DMD: variants seen among roughly 807,000 people sequenced by gnomAD.
DMD encodes mutant dystrophin.
A neutral mutation model predicts 330.1 loss-of-function variants in DMD; 63 were observed. That is an observed-to-expected ratio of 0.19 (90% CI 0.16 to 0.24). The LOEUF is 0.24. Ranked by LOEUF, DMD falls within the 10% of genes least tolerant of loss-of-function variation. The pLI is 1.00. For synonymous variants in DMD, 1,223 were observed against 959.8 expected, an observed-to-expected ratio of 1.27 and a Z score of -5.07; for missense variants, 3,344 against 2,684.1, an observed-to-expected ratio of 1.25 and a Z score of -5.43.
intron 76 of DMD, among the ~76,000 whole-genome samples, chrX:31,138,657 G>GTGTGA (rs2035587118): frequency 1.1e-5 from 1 of 94,625 alleles, no homozygotes. Flanking sequence ...GAGAGAGAGA[G>GTGTGA]AGAGAGAGAG....
At chrX:32,342,724 A>T (rs756045500) in intron 40 of DMD, 4 of 273,487 alleles carry the variant, frequency 1.5e-5, no homozygotes, top group Non-Finnish European at 2.7e-5. Flanking sequence ...AACAGAAAAA[A>T]ACATATTTAG....
chrX:31,607,253 A>C (rs145028420), intron 55 of DMD, among the ~76,000 whole-genome samples: 3,633 of 111,894 alleles, frequency 0.032, 146 homozygotes, highest in African/African-American at 0.11. Context: ...TTCTCTCCAG[A>C]ATATGAAGTC....
chrX:31,742,341 C>G (rs1321133371), intron 51 of DMD, among the ~76,000 whole-genome samples: 4 of 112,772 alleles, frequency 3.5e-5, no homozygotes, highest in Non-Finnish European at 7.5e-5. Context: ...TTTTGACATG[C>G]CTTCCTCACC....
At chrX:32,935,169 G>A (rs986735298) in intron 2 of DMD, among the ~76,000 whole-genome samples, 3 of 112,726 alleles carry the variant, frequency 2.7e-5, no homozygotes, top group Admixed American at 9.4e-5. Flanking sequence ...TAGTAGAGAC[G>A]GGGTTTCACC....
intron 55 of DMD, among the ~76,000 whole-genome samples, chrX:31,545,499 C>G (rs1299248938): frequency 1.8e-5 from 2 of 112,432 alleles, no homozygotes; most frequent in Non-Finnish European, 3.8e-5. Flanking sequence ...ACACTTTTCT[C>G]ATCATAATTT....
intron 29 of DMD, among the ~76,000 whole-genome samples, chrX:32,424,509 T>A (rs895264275): frequency 2.7e-5 from 3 of 111,625 alleles, no homozygotes; most frequent in African/African-American, 9.7e-5. Flanking sequence ...GCATTTCAGG[T>A]GTACAAATAA....
chrX:31,274,144 T>A (rs778254192), intron 62 of DMD, among the ~76,000 whole-genome samples: 2 of 111,842 alleles, frequency 1.8e-5, no homozygotes, highest in Non-Finnish European at 3.8e-5. Flanking sequence ...TAAACTGCTC[T>A]TTAGCAGTTT....
chrX:31,269,379 T>G (rs2051435803), intron 62 of DMD, among the ~76,000 whole-genome samples: 1 of 111,231 alleles, frequency 9.0e-6, no homozygotes, highest in Admixed American at 9.6e-5. Flanking sequence ...TGTTTTGATA[T>G]GAACCACGGA....
intron 1 of DMD, among the ~76,000 whole-genome samples, chrX:33,270,195 A>G (rs1254396578): frequency 9.0e-6 from 1 of 111,153 alleles, no homozygotes; most frequent in South Asian, 3.7e-4. Flanking sequence ...AGGAAAAGAA[A>G]ATTATTGTAT....
intron 7 of DMD, among the ~76,000 whole-genome samples, chrX:32,702,771 C>A (rs1257513840): frequency 1.8e-5 from 2 of 111,121 alleles, no homozygotes; most frequent in South Asian, 3.8e-4. Flanking sequence ...GACAAAAATT[C>A]TAAGATGGAT....
intron 62 of DMD, among the ~76,000 whole-genome samples, chrX:31,266,174 A>AAAAAAAAAAAAAAAAAAAC (rs2051068357): frequency 9.7e-6 from 1 of 103,116 alleles, no homozygotes; most frequent in African/African-American, 3.7e-5. Flanking sequence ...AAAAAAAAAA[A>AAAAAAAAAAAAAAAAAAAC]AAAAAAAAAG....
At chrX:32,923,587 C>G (rs2088668318) in intron 2 of DMD, among the ~76,000 whole-genome samples, 2 of 110,325 alleles carry the variant, frequency 1.8e-5, no homozygotes, top group Non-Finnish European at 1.9e-5. Context: ...AACAAAAAAT[C>G]AACTTTATCT....
At chrX:32,361,279 C>T (rs1165406541) in intron 37 of DMD, among the ~76,000 whole-genome samples, 1 of 111,416 alleles carries the variant, frequency 9.0e-6, no homozygotes, top group Non-Finnish European at 1.9e-5. Context: ...AGTAACAATA[C>T]ATTCTTTCAA....
chrX:31,901,958 T>C (rs1255488461), intron 47 of DMD, among the ~76,000 whole-genome samples: 1 of 111,364 alleles, frequency 9.0e-6, no homozygotes, highest in African/African-American at 3.3e-5. Context: ...GGTGAGAATG[T>C]TTAAAATGTA....
chrX:32,133,101 T>C (rs2096707444), intron 44 of DMD, among the ~76,000 whole-genome samples: 1 of 104,519 alleles, frequency 9.6e-6, no homozygotes, highest in South Asian at 4.6e-4. Context: ...CTCTGTCTCC[T>C]AGGTACAAGC....
chrX:31,683,501 T>C (rs899495320), intron 52 of DMD, among the ~76,000 whole-genome samples: 5 of 112,412 alleles, frequency 4.4e-5, no homozygotes, highest in African/African-American at 1.6e-4. Context: ...GAAGGATCTA[T>C]AGCATAGCTG....
At chrX:31,185,526 T>A (rs2041677998) in intron 67 of DMD, among the ~76,000 whole-genome samples, 1 of 112,302 alleles carries the variant, frequency 8.9e-6, no homozygotes, top group African/African-American at 3.2e-5. Context: ...ACTTTTGACA[T>A]CTAGAAATAC....
At chrX:31,625,793 C>T (rs751715207) in intron 55 of DMD, among the ~76,000 whole-genome samples, 3 of 110,662 alleles carry the variant, frequency 2.7e-5, no homozygotes, top group Non-Finnish European at 3.8e-5. Context: ...AGAAAATAGA[C>T]GTATTTTTGC....
chrX:32,653,387 T>C (rs948255946), intron 9 of DMD, among the ~76,000 whole-genome samples: 6 of 112,083 alleles, frequency 5.4e-5, no homozygotes, highest in Non-Finnish European at 9.4e-5. Context: ...GCTAGCCAGT[T>C]TTCCCAGCAC....
Sources: gnomAD v4.1 joint callset for allele counts (sites outside exome capture counted in the v4.1 genomes callset) on GRCh38, gnomAD v4.1.1 for gene constraint, MANE v1.5 for transcripts, NCBI Gene and HGNC (gene_info 2026-07-23, HGNC 2026-07-21) for gene names.